Variants in MID2 observed in about 807,000 individuals in gnomAD.
The protein encoded by MID2 is midline 2, also known as probable E3 ubiquitin-protein ligase MID2.
Under a neutral mutation model 46.1 loss-of-function variants are expected in MID2, and 13 were observed. That is an observed-to-expected ratio of 0.28 (90% CI 0.18 to 0.45). MID2 has a LOEUF of 0.45. MID2 is among the 20% of genes least tolerant of loss of function. The pLI, the probability that MID2 is intolerant of heterozygous loss-of-function variation, is 1.00. For missense variants in MID2, 431 were observed against 575.4 expected, an observed-to-expected ratio of 0.75 and a Z score of 2.57; for synonymous variants, 199 against 212.3, an observed-to-expected ratio of 0.94 and a Z score of 0.55.
chrX:107,861,966 A>T (rs1404090321), intron 3 of MID2, among the ~76,000 whole-genome samples: 1 of 112,311 alleles, frequency 8.9e-6, no homozygotes, highest in African/African-American at 3.2e-5. Context: ...TTGGACAGAC[A>T]GGAGTCATGT....
At chrX:107,902,917 A>C (rs923690768) in intron 3 of MID2, among the ~76,000 whole-genome samples, 19 of 111,022 alleles carry the variant, frequency 1.7e-4, no homozygotes, top group African/African-American at 5.9e-4. Flanking sequence ...TGCTGCTGAA[A>C]TGGAACTGAA....
At chrX:107,912,229 CTT>C (rs1336694969) in intron 5 of MID2, among the ~76,000 whole-genome samples, 1 of 111,831 alleles carries the variant, frequency 8.9e-6, no homozygotes, top group African/African-American at 3.3e-5. Context: ...TTTCCATTCT[CTT>C]TGTCTTTGTG....
intron 1 of MID2, among the ~76,000 whole-genome samples, chrX:107,837,158 A>C (rs1446781516): frequency 8.9e-6 from 1 of 112,283 alleles, no homozygotes; most frequent in Non-Finnish European, 1.9e-5. Flanking sequence ...AATGAGGTTC[A>C]AGTGTCACAC....
At chrX:107,884,810 T>C (rs1023938441) in intron 3 of MID2, among the ~76,000 whole-genome samples, 3 of 111,924 alleles carry the variant, frequency 2.7e-5, no homozygotes, top group African/African-American at 6.5e-5. Flanking sequence ...ATGACTTTGA[T>C]AATTTACTTT....
At chrX:107,924,977 C>T (rs1933144604) in intron 8 of MID2, among the ~76,000 whole-genome samples, 2 of 112,311 alleles carry the variant, frequency 1.8e-5, no homozygotes, top group African/African-American at 6.5e-5. Context: ...GTAGGCAGTT[C>T]AGGGCTAATG....
chrX:107,919,239 C>G (rs1373367334), intron 7 of MID2, among the ~76,000 whole-genome samples: 2 of 111,503 alleles, frequency 1.8e-5, no homozygotes, highest in African/African-American at 6.5e-5. Flanking sequence ...TACATTATCT[C>G]ATTTAGTCCT....
intron 7 of MID2, among the ~76,000 whole-genome samples, chrX:107,922,508 C>A (rs1048332875): frequency 9.0e-6 from 1 of 111,616 alleles, no homozygotes; most frequent in African/African-American, 3.3e-5. Flanking sequence ...AAAGAGGATG[C>A]TATACAAAAA....
At chrX:107,921,898 G>A (rs1035737110) in intron 7 of MID2, among the ~76,000 whole-genome samples, 3 of 110,610 alleles carry the variant, frequency 2.7e-5, no homozygotes, top group Non-Finnish European at 5.7e-5. Flanking sequence ...TTCTGTCCCA[G>A]CCTTGAAATC....
intron 3 of MID2, among the ~76,000 whole-genome samples, chrX:107,857,647 G>A (rs764720718): frequency 8.9e-6 from 1 of 111,928 alleles, no homozygotes; most frequent in African/African-American, 3.2e-5. Flanking sequence ...CACAGAGCCT[G>A]TCTCTCCAAA....
intron 3 of MID2, among the ~76,000 whole-genome samples, chrX:107,888,883 T>C (rs1876217718): frequency 8.9e-6 from 1 of 111,770 alleles, no homozygotes; most frequent in Admixed American, 9.5e-5. Flanking sequence ...TGGCCTTCTT[T>C]GTCTCTTTTG....
chrX:107,886,182 CAT>C (rs1192971303), intron 3 of MID2, among the ~76,000 whole-genome samples: 3 of 111,972 alleles, frequency 2.7e-5, no homozygotes, highest in African/African-American at 9.7e-5. Context: ...GTGTTTTAGA[CAT>C]GAAGTCCTTG....
intron 5 of MID2, among the ~76,000 whole-genome samples, chrX:107,906,522 A>C (rs1347359399): frequency 8.9e-6 from 1 of 112,412 alleles, no homozygotes; most frequent in East Asian, 2.8e-4. Context: ...ATTGCACTGA[A>C]ATCATAACTT....
chrX:107,896,953 CGG>C (rs1932750894), intron 3 of MID2, among the ~76,000 whole-genome samples: 1 of 111,291 alleles, frequency 9.0e-6, no homozygotes, highest in Non-Finnish European at 1.9e-5. Flanking sequence ...TATGTTTTCT[CGG>C]TTTCTTCTAT....
chrX:107,836,318 G>A (rs748461561), intron 1 of MID2, among the ~76,000 whole-genome samples: 55 of 109,969 alleles, frequency 5.0e-4, no homozygotes, highest in Non-Finnish European at 9.5e-4. Context: ...GCAATGACAC[G>A]ATCTCGGCTC....
intron 3 of MID2, among the ~76,000 whole-genome samples, chrX:107,885,446 T>C (rs777651316): frequency 4.5e-5 from 5 of 111,003 alleles, no homozygotes; most frequent in Admixed American, 3.8e-4. Flanking sequence ...AAAAAGGACA[T>C]GAACTCATCA....
At chrX:107,874,359 G>A (rs1932146211) in intron 3 of MID2, among the ~76,000 whole-genome samples, 1 of 112,497 alleles carries the variant, frequency 8.9e-6, no homozygotes, top group Admixed American at 9.3e-5. Flanking sequence ...ACATTATGTG[G>A]AGTGCAAACA....
intron 2 of MID2, among the ~76,000 whole-genome samples, chrX:107,848,246 A>G (rs1284249551): frequency 2.7e-5 from 3 of 111,423 alleles, no homozygotes; most frequent in African/African-American, 9.8e-5. Flanking sequence ...TATGAGAGGC[A>G]GGAAGTGAAG....
chrX:107,881,971 G>A (rs1485090159), intron 3 of MID2, among the ~76,000 whole-genome samples: 2 of 112,227 alleles, frequency 1.8e-5, no homozygotes, highest in Non-Finnish European at 1.9e-5. Flanking sequence ...TCAGCAGACA[G>A]TAACCAAAGC....
Position 107,917,614 on chromosome X carries a change from A to G in MID2, c.1310A>G (p.Gln437Arg). 8.3e-7 allele frequency: 1 copy of G among 1,211,466 alleles called. No individual in the cohort carries two copies. The highest frequency in any genetic ancestry group is 1.1e-6 in the Non-Finnish European group (1 of 895,123). The part of the protein sequence containing the change: ...DEFSISSYEL[Q>R]YTIFTGQANF... ...TTCAGCATCAGCTCCTATGAGCTTC[A>G]GTACACCATATTCACTGGCCAGGCT... Residue 437 changes from glutamine (Q) to arginine (R), a missense_variant, in exon 7 of 10, where the codon CAG becomes CGG. Coordinates refer to ENST00000262843, the MANE Select transcript of MID2 (RefSeq NM_012216.4).
Sources: gnomAD v4.1 joint callset for allele counts (sites outside exome capture counted in the v4.1 genomes callset) on GRCh38, gnomAD v4.1.1 for gene constraint, MANE v1.5 for transcripts, NCBI Gene and HGNC (gene_info 2026-07-23, HGNC 2026-07-21) for gene names.